Variants in GRM8 observed in about 807,000 individuals in gnomAD.
The protein encoded by GRM8 is glutamate metabotropic receptor 8.
Under a neutral mutation model 87.2 loss-of-function variants are expected in GRM8, and 47 were observed. The ratio of observed to expected loss-of-function variants is 0.54; its 90% CI spans 0.43 to 0.69. The LOEUF is 0.69. Ranked by LOEUF, GRM8 falls within the 30% of genes least tolerant of loss-of-function variation. The pLI, the probability that GRM8 is intolerant of heterozygous loss-of-function variation, is 0.00. For synonymous variants in GRM8, 396 were observed against 404.5 expected, an observed-to-expected ratio of 0.98 and a Z score of 0.25; for missense variants, 1,019 against 1,139.2, an observed-to-expected ratio of 0.89 and a Z score of 1.52.
chr7:127,033,249 T>C (rs1817553526), intron 3 of GRM8, among the ~76,000 whole-genome samples: 1 of 152,076 alleles, frequency 6.6e-6, no homozygotes, highest in Non-Finnish European at 1.5e-5. Flanking sequence ...CAATATTCTC[T>C]TTCTTTGGCT....
At chr7:126,697,554 T>A (rs1809516102) in intron 7 of GRM8, among the ~76,000 whole-genome samples, 2 of 152,164 alleles carry the variant, frequency 1.3e-5, no homozygotes, top group African/African-American at 4.8e-5. Context: ...AGGAAAGTAA[T>A]GCACTTTTAT....
chr7:126,654,123 G>T lies in GRM8; in HGVS notation c.1358-44625C>A, dbSNP rs1199100921. Among the ~76,000 whole-genome samples the T allele has an allele frequency of 5.3e-5, 8 of 152,326 alleles. No homozygotes were observed. The East Asian group carries it at 1.4e-3, about 26-fold the overall frequency. ...ATAGAAATAACTAGACCCCTAAGCA[G>T]ATTCAGGTACATTCTTCTTATTCTT... On this transcript the variant is annotated intron_variant, in intron 7 of 10. Transcript: ENST00000339582.
chr7:126,768,600 T>G (rs1163495399), intron 7 of GRM8, among the ~76,000 whole-genome samples: 25 of 151,992 alleles, frequency 1.6e-4, no homozygotes, highest in Non-Finnish European at 3.7e-4. Flanking sequence ...TTAGTGCTTC[T>G]TTAAAAGACT....
chr7:126,575,347 T>C (rs151011680), intron 8 of GRM8, among the ~76,000 whole-genome samples: 2 of 151,570 alleles, frequency 1.3e-5, no homozygotes, highest in East Asian at 1.9e-4. Flanking sequence ...TGCAGGAAAA[T>C]AAGCTCAGGG....
intron 1 of GRM8, among the ~76,000 whole-genome samples, chr7:127,247,240 TC>T (rs1798626666): frequency 6.6e-6 from 1 of 152,180 alleles, no homozygotes. Flanking sequence ...CAGGTTGATG[TC>T]AAGGTGATGT....
rs1356024207 is a variant in GRM8 at position 126,788,516 on chromosome 7, T to C, written c.1157-18451A>G. On this transcript the variant is annotated intron_variant, in intron 6 of 10. Coordinates refer to ENST00000339582, the MANE Select transcript of GRM8 (RefSeq NM_000845.3). ...CATCCTACTTATACTACATCTTCTT[T>C]ATATTTTCTTTTTTTCAGAGTCACT... Among the ~76,000 whole-genome samples, 3 of 151,828 alleles carry C rather than the reference T, an allele frequency of 2.0e-5. No homozygotes were observed. The East Asian group carries it at 5.8e-4, about 29-fold the overall frequency.
At position 126,987,445 on chromosome 7, in the gene GRM8, G is replaced by GTTT. The variant is rs11395818; in HGVS notation, c.728-82765_728-82763dup. Among the ~76,000 whole-genome samples, 7 of 148,556 alleles carry GTTT rather than the reference G, an allele frequency of 4.7e-5. No homozygotes were observed. The East Asian group carries it at 5.8e-4, about 12-fold the overall frequency. The stretch of plus-strand genomic sequence containing the variant: ...GGACAAGAAGCATATCTTGTTCACA[G>GTTT]TTTTTTTTTTTGTTTTTTGTTTGTT... On this transcript the variant is annotated intron_variant, in intron 3 of 10. Transcript: ENST00000339582.
chr7:126,556,215 C>T (rs1793117640), intron 8 of GRM8, among the ~76,000 whole-genome samples: 1 of 151,890 alleles, frequency 6.6e-6, no homozygotes, highest in Non-Finnish European at 1.5e-5. Flanking sequence ...CAAAGTCAGT[C>T]AAGCCTTTAA....
At chr7:126,692,206 C>G (rs1202431530) in intron 7 of GRM8, among the ~76,000 whole-genome samples, 2 of 152,214 alleles carry the variant, frequency 1.3e-5, no homozygotes, top group Non-Finnish European at 2.9e-5. Context: ...TTTCTCCATC[C>G]AACAGTTAGT....
At chr7:126,763,760 T>A (rs1423955644) in intron 7 of GRM8, among the ~76,000 whole-genome samples, 3 of 151,834 alleles carry the variant, frequency 2.0e-5, no homozygotes, top group Non-Finnish European at 4.4e-5. Flanking sequence ...TAATTAAAAT[T>A]TAAAATACTA....
intron 9 of GRM8, among the ~76,000 whole-genome samples, chr7:126,485,152 A>G (rs79239039): frequency 0.018 from 2,711 of 152,212 alleles, 66 homozygotes; most frequent in African/African-American, 0.062. Context: ...AGCATTTTTA[A>G]GCATTAACTA....
At chr7:126,518,644 C>T (rs1584916155) in intron 9 of GRM8, among the ~76,000 whole-genome samples, 1 of 152,102 alleles carries the variant, frequency 6.6e-6, no homozygotes, top group East Asian at 1.9e-4. Flanking sequence ...GTTTATGAGA[C>T]CAATAATCCA....
intron 3 of GRM8, among the ~76,000 whole-genome samples, chr7:126,989,974 G>C (rs570417776): frequency 1.2e-3 from 180 of 152,004 alleles, no homozygotes; most frequent in Middle Eastern, 6.8e-3. Flanking sequence ...GGGATAGGAA[G>C]GCAGAGAAAA....
chr7:127,052,644 C>A (rs139091856), intron 3 of GRM8, among the ~76,000 whole-genome samples: 2 of 152,212 alleles, frequency 1.3e-5, no homozygotes, highest in East Asian at 3.8e-4. Context: ...AATTTCAAAT[C>A]AACATTACAG....
chr7:126,906,317 T>C (rs1202145124), intron 3 of GRM8, among the ~76,000 whole-genome samples: 1 of 152,124 alleles, frequency 6.6e-6, no homozygotes, highest in Non-Finnish European at 1.5e-5. Flanking sequence ...TGATAATTTT[T>C]ATTTTTTATT....
rs371112920 is a variant in GRM8 at position 126,605,174 on chromosome 7, C to T, written c.1494+4188G>A. On this transcript the variant is annotated intron_variant, in intron 8 of 10. Coordinates refer to ENST00000339582, the MANE Select transcript of GRM8 (RefSeq NM_000845.3). ...GCATATGGCTGTTCTTTTCACAGTT[C>T]AGGCTCTTCTGTTTACTCTGAACCT... Among the ~76,000 whole-genome samples, 9 of 152,184 alleles carry T rather than the reference C, an allele frequency of 5.9e-5. No homozygotes were observed. The East Asian group carries it at 1.7e-3, about 29-fold the overall frequency.
chr7:126,994,246 A>T (rs2131974766), intron 3 of GRM8, among the ~76,000 whole-genome samples: 1 of 152,278 alleles, frequency 6.6e-6, no homozygotes, highest in East Asian at 1.9e-4. Context: ...GCCAGAAGAG[A>T]AACATCTTCC....
At chr7:127,112,305 C>A (rs2133132800) in intron 2 of GRM8, 1 of 152,394 alleles carries the variant, frequency 6.6e-6, no homozygotes, top group Non-Finnish European at 1.5e-5. Context: ...CCTGACCACC[C>A]CATCTAGTGT....
intron 8 of GRM8, among the ~76,000 whole-genome samples, chr7:126,601,502 G>A (rs983615404): frequency 1.9e-4 from 29 of 151,962 alleles, no homozygotes; most frequent in Non-Finnish European, 2.2e-4. Flanking sequence ...CTGAGGAATC[G>A]CCACACTGAC....
Sources: gnomAD v4.1 joint callset for allele counts (sites outside exome capture counted in the v4.1 genomes callset) on GRCh38, gnomAD v4.1.1 for gene constraint, MANE v1.5 for transcripts, NCBI Gene and HGNC (gene_info 2026-07-23, HGNC 2026-07-21) for gene names.